The following STPG2 variants were observed in gnomAD, a reference collection of about 807,000 sequenced individuals.
The protein encoded by STPG2 is sperm-tail PG-rich repeat-containing protein 2.
In STPG2, 56 loss-of-function variants were observed where a neutral mutation model predicts 54.2. That is an observed-to-expected ratio of 1.03 (90% CI 0.83 to 1.29). The LOEUF (loss-of-function observed/expected upper bound fraction) is 1.29. STPG2 is among the 50% of genes most tolerant of loss of function. The pLI is 0.00. For missense variants in STPG2, 596 were observed against 544.9 expected, an observed-to-expected ratio of 1.09 and a Z score of -0.93; for synonymous variants, 200 against 181.8, an observed-to-expected ratio of 1.10 and a Z score of -0.81.
At chr4:97,956,626 T>C (rs1034033421) in intron 7 of STPG2, among the ~76,000 whole-genome samples, 1 of 152,150 alleles carries the variant, frequency 6.6e-6, no homozygotes, top group African/African-American at 2.4e-5. Context: ...GATCCACATA[T>C]GGTTCACATC....
chr4:98,080,907 C>T (rs112530392), intron 5 of STPG2, among the ~76,000 whole-genome samples: 1,905 of 152,288 alleles, frequency 0.013, 18 homozygotes, highest in Non-Finnish European at 0.02. Flanking sequence ...TCCTCACTTT[C>T]CTACTAATAA....
chr4:97,487,497 T>C (rs1730397844), intron 4 of STPG2, among the ~76,000 whole-genome samples: 1 of 151,560 alleles, frequency 6.6e-6, no homozygotes, highest in Non-Finnish European at 1.5e-5. Flanking sequence ...AAATGAAAAC[T>C]GCTATTAGAA....
intron 9 of STPG2, among the ~76,000 whole-genome samples, chr4:97,734,929 T>C (rs1560506764): frequency 2.0e-5 from 3 of 151,818 alleles, no homozygotes; most frequent in Non-Finnish European, 4.4e-5. Flanking sequence ...AAAAATTAGC[T>C]GGGCATGGTG....
intron 10 of STPG2, among the ~76,000 whole-genome samples, chr4:97,647,286 C>T (rs1307286499): frequency 1.3e-5 from 2 of 152,102 alleles, no homozygotes; most frequent in Non-Finnish European, 2.9e-5. Context: ...GTTGAATGAG[C>T]AAGACTCAAA....
intron 9 of STPG2, among the ~76,000 whole-genome samples, chr4:97,788,506 G>A (rs1726893846): frequency 1.3e-5 from 2 of 151,856 alleles, no homozygotes; most frequent in Non-Finnish European, 2.9e-5. Flanking sequence ...TCCAAATCTT[G>A]GCTATTGTGA....
At position 97,840,669 on chromosome 4, in the gene STPG2, C is replaced by T; in HGVS notation, c.1204+104G>A. On this transcript the variant is annotated intron_variant, in intron 9 of 10. Coordinates refer to ENST00000295268, the MANE Select transcript of STPG2 (RefSeq NM_174952.3). Reference sequence around the variant, plus strand: ...AATGGTTTTGTTATACATTATTTTGCTTAACTTTTCAGTCTCCAAGAACCT... The same window carrying T: ...AATGGTTTTGTTATACATTATTTTGTTTAACTTTTCAGTCTCCAAGAACCT... The T allele has an allele frequency of 3.0e-6, 4 of 1,322,526 alleles. No homozygotes were observed. The East Asian group carries it at 7.1e-5, about 23-fold the overall frequency. The allele number at this position is 1,322,526 out of a possible 1,614,324, so 81.9% of individuals were successfully genotyped here. A position where few individuals can be genotyped will look rare whatever the true frequency, so the allele number is the denominator to read the frequency against.
intron 2 of STPG2, among the ~76,000 whole-genome samples, chr4:98,133,408 A>G (rs1039365163): frequency 7.2e-5 from 11 of 152,008 alleles, no homozygotes; most frequent in African/African-American, 2.4e-4. Context: ...CACAGAGCCT[A>G]TCTCTAGCGG....
chr4:97,875,155 C>T (rs930201327), intron 8 of STPG2, among the ~76,000 whole-genome samples: 6 of 151,858 alleles, frequency 4.0e-5, no homozygotes, highest in Non-Finnish European at 8.8e-5. Flanking sequence ...CTGCCATAAA[C>T]GTTCACCTAG....
intron 10 of STPG2, among the ~76,000 whole-genome samples, chr4:97,599,778 C>G (rs1733406973): frequency 6.9e-6 from 1 of 145,308 alleles, no homozygotes; most frequent in Non-Finnish European, 1.5e-5. Context: ...GAGTGGAGAT[C>G]GTGCCACTGA....
chr4:97,735,607 A>T (rs1286250825), intron 9 of STPG2, among the ~76,000 whole-genome samples: 8 of 146,740 alleles, frequency 5.5e-5, no homozygotes, highest in Admixed American at 5.4e-4. Flanking sequence ...ATTTATATTT[A>T]TACATTTATA....
intron 8 of STPG2, among the ~76,000 whole-genome samples, chr4:97,894,292 G>C (rs144185215): frequency 9.8e-4 from 149 of 151,742 alleles, no homozygotes; most frequent in African/African-American, 3.5e-3. Context: ...GAAATTTAAG[G>C]TGTTAAATTC....
intron 10 of STPG2, among the ~76,000 whole-genome samples, chr4:97,603,751 A>G (rs369995792): frequency 1.4e-4 from 21 of 151,852 alleles, no homozygotes; most frequent in Non-Finnish European, 2.7e-4. Flanking sequence ...CAAATACTGT[A>G]TGATTTCACT....
intron 8 of STPG2, among the ~76,000 whole-genome samples, chr4:97,914,954 C>T (rs915586210): frequency 6.6e-6 from 1 of 152,130 alleles, no homozygotes; most frequent in Non-Finnish European, 1.5e-5. Context: ...CATATAATGT[C>T]CTCAAGGTTC....
chr4:97,445,352 C>A (rs1729195533), intron 4 of STPG2, among the ~76,000 whole-genome samples: 1 of 152,066 alleles, frequency 6.6e-6, no homozygotes, highest in African/African-American at 2.4e-5. Flanking sequence ...ATTAACTATT[C>A]TAAATTATGA....
intron 9 of STPG2, among the ~76,000 whole-genome samples, chr4:97,771,366 C>T (rs1302298364): frequency 6.6e-6 from 1 of 152,140 alleles, no homozygotes; most frequent in Admixed American, 6.5e-5. Context: ...TAACGAAGGA[C>T]AAACTTGGAA....
chr4:97,943,167 C>G (rs1049915505), intron 8 of STPG2, among the ~76,000 whole-genome samples: 2 of 152,098 alleles, frequency 1.3e-5, no homozygotes, highest in Non-Finnish European at 2.9e-5. Context: ...TATAAGAGTA[C>G]TAATCCTATT....
chr4:97,839,633 G>A (rs1728738592), intron 9 of STPG2, among the ~76,000 whole-genome samples: 2 of 151,428 alleles, frequency 1.3e-5, no homozygotes, highest in African/African-American at 4.8e-5. Flanking sequence ...TCACAGCAAA[G>A]CTAAAACCTC....
chr4:97,943,611 C>T (rs1156545776), intron 8 of STPG2, among the ~76,000 whole-genome samples: 1 of 152,108 alleles, frequency 6.6e-6, no homozygotes, highest in Non-Finnish European at 1.5e-5. Context: ...TCTTTTGCTC[C>T]ATATACAACA....
intron 10 of STPG2, among the ~76,000 whole-genome samples, chr4:97,680,133 C>T (rs1377082690): frequency 6.6e-6 from 1 of 150,540 alleles, no homozygotes; most frequent in African/African-American, 2.4e-5. Context: ...TCCATATGAA[C>T]TTGAAAGTAG....
Sources: gnomAD v4.1 joint callset for allele counts (sites outside exome capture counted in the v4.1 genomes callset) on GRCh38, gnomAD v4.1.1 for gene constraint, MANE v1.5 for transcripts, NCBI Gene and HGNC (gene_info 2026-07-23, HGNC 2026-07-21) for gene names.